The following COL5A2 variants were observed in gnomAD, a reference collection of about 807,000 sequenced individuals.
COL5A2 encodes collagen type V alpha 2 chain, also known as collagen alpha-2(V) chain.
COL5A2 carries 23 observed loss-of-function variants against 208.2 expected under a neutral mutation model. That is an observed-to-expected ratio of 0.11 (90% confidence interval 0.08 to 0.16). The LOEUF is 0.16. Ranked by LOEUF, COL5A2 falls within the 10% of genes least tolerant of loss-of-function variation. The pLI is 1.00. For missense variants in COL5A2, 1,590 were observed against 1,956.4 expected, an observed-to-expected ratio of 0.81 and a Z score of 3.53; for synonymous variants, 625 against 628.5, an observed-to-expected ratio of 0.99 and a Z score of 0.08.
At chr2:189,058,098 A>C (rs1327019325) in intron 33 of COL5A2, among the ~76,000 whole-genome samples, 1 of 152,184 alleles carries the variant, frequency 6.6e-6, no homozygotes, top group Non-Finnish European at 1.5e-5. Context: ...CCTCCTAATA[A>C]ATTATGTAAT....
chr2:189,221,123 G>A (rs898493310), intron 1 of COL5A2, among the ~76,000 whole-genome samples: 1 of 152,114 alleles, frequency 6.6e-6, no homozygotes, highest in Non-Finnish European at 1.5e-5. Flanking sequence ...ACATTTTCAC[G>A]ATTCACAGAG....
At chr2:189,383,773 AC>A in the COL5A2 span, among the ~76,000 whole-genome samples, 5 of 152,076 alleles carry the variant, frequency 3.3e-5, no homozygotes, top group Non-Finnish European at 7.4e-5. Context: ...TTCTAATTCC[AC>A]TTTCCTAGTT....
Position 189,033,850 on chromosome 2 carries a change from TA to T in COL5A2, c.*219del. 1.6e-6 allele frequency: 1 copy of T among 612,730 alleles called. No homozygotes were observed. The highest frequency in any genetic ancestry group is 2.0e-5 in the South Asian group (1 of 49,554). 38.0% of individuals were successfully genotyped at this position (612,730 alleles called of 1,614,324 possible). A position where few individuals can be genotyped will look rare whatever the true frequency, so the allele number is the denominator to read the frequency against. ...TGGTCATCTTAAACCTAAACTGTTG[TA>T]TTGAAAAATATTTAAAATCAATTAA... On this transcript the variant is annotated 3_prime_UTR_variant, in exon 54 of 54. Coordinates refer to ENST00000374866, the MANE Select transcript of COL5A2 (RefSeq NM_000393.5).
chr2:189,093,746 T>C (rs1241098526), intron 6 of COL5A2, among the ~76,000 whole-genome samples: 1 of 152,170 alleles, frequency 6.6e-6, no homozygotes, highest in Non-Finnish European at 1.5e-5. Context: ...CTACTAACAA[T>C]TTACTTCACA....
the COL5A2 span, among the ~76,000 whole-genome samples, chr2:189,333,161 GAATA>G: frequency 7.4e-4 from 113 of 151,870 alleles, 1 homozygote; most frequent in African/African-American, 2.7e-3. Context: ...GAAAAAGGAA[GAATA>G]AATTAGAACC....
At chr2:189,104,630 T>C (rs996324156) in intron 2 of COL5A2, among the ~76,000 whole-genome samples, 5 of 151,878 alleles carry the variant, frequency 3.3e-5, no homozygotes, top group African/African-American at 1.2e-4. Flanking sequence ...TGTTTATTCA[T>C]ATGGTTCAAA....
intron 1 of COL5A2, among the ~76,000 whole-genome samples, chr2:189,199,632 T>C (rs180671523): frequency 1.3e-5 from 2 of 152,328 alleles, no homozygotes; most frequent in East Asian, 3.9e-4. Context: ...ACAAAGTTGT[T>C]TCTTTAAGTC....
At chr2:189,124,452 G>A (rs1017152229) in intron 1 of COL5A2, among the ~76,000 whole-genome samples, 4 of 152,062 alleles carry the variant, frequency 2.6e-5, no homozygotes, top group African/African-American at 7.2e-5. Flanking sequence ...TTTATAGGGC[G>A]CAGGAAATGA....
chr2:189,370,531 T>C, the COL5A2 span, among the ~76,000 whole-genome samples: 1 of 151,912 alleles, frequency 6.6e-6, no homozygotes, highest in African/African-American at 2.4e-5. Flanking sequence ...TCACATTATC[T>C]AAAATAAAAC....
At position 189,079,986 on chromosome 2, in the gene COL5A2, C is replaced by T. The variant is rs1686495287; in HGVS notation, c.952G>A (p.Gly318Ser). Reference protein sequence around the residue: ...EGPKGEVGAPGSKGEAGPTGP... With the variant: ...EGPKGEVGAPSSKGEAGPTGP... The stretch of plus-strand genomic sequence containing the variant: ...GATAATTATAAGATTACCTTGGAAC[C>T]AGGTGCTCCAACTTCACCTTTAGGG... Residue 318 changes from glycine (G) to serine (S), a missense_variant, in exon 14 of 54, where the codon GGT becomes AGT. Gly to Ser is a moderately conservative substitution (Grantham distance 56, BLOSUM62 0). Transcript: ENST00000374866. 1 of 1,611,840 alleles carries T rather than the reference C, an allele frequency of 6.2e-7. No homozygotes were observed. The highest frequency in any genetic ancestry group is 8.5e-7 in the Non-Finnish European group (1 of 1,178,190).
chr2:189,391,967 A>G, the COL5A2 span, among the ~76,000 whole-genome samples: 1 of 152,152 alleles, frequency 6.6e-6, no homozygotes, highest in African/African-American at 2.4e-5. Context: ...ACTAGTCTAT[A>G]TAAGTTATTA....
chr2:189,192,051 C>G lies in COL5A2; in HGVS notation c.-42+33097G>C, dbSNP rs891842916. On this transcript the variant is annotated intron_variant, in intron 1 of 10. Coordinates refer to the COL5A2 transcript ENST00000649966. Reference sequence around the variant, plus strand: ...CTGCTTTTCACATAACAACCTCAACCTATCTTCCAAGTTCATCTCAAAATA... The same window carrying G: ...CTGCTTTTCACATAACAACCTCAACGTATCTTCCAAGTTCATCTCAAAATA... Among the ~76,000 whole-genome samples the G allele has an allele frequency of 3.3e-5, 5 of 152,262 alleles. No individual in the cohort carries two copies. The East Asian group carries it at 9.6e-4, about 29-fold the overall frequency.
chr2:189,353,402 T>C, the COL5A2 span, among the ~76,000 whole-genome samples: 3 of 152,230 alleles, frequency 2.0e-5, no homozygotes, highest in Non-Finnish European at 4.4e-5. Flanking sequence ...TTTCACAATA[T>C]TGATTCTTCC....
chr2:189,049,884 C>T lies in COL5A2; in HGVS notation c.3040-430G>A, dbSNP rs981848024. Among the ~76,000 whole-genome samples, 7 of 152,160 alleles carry T rather than the reference C, an allele frequency of 4.6e-5. No homozygotes were observed. The East Asian group carries it at 1.2e-3, about 25-fold the overall frequency. ...TCACTTCTGATAACAATAAGACATC[C>T]CTTAGCTCCTACTTTGTTGGTTTCA... On this transcript the variant is annotated intron_variant, in intron 43 of 53. Transcript: ENST00000374866.
At chr2:189,123,807 C>T (rs1041481846) in intron 1 of COL5A2, among the ~76,000 whole-genome samples, 2 of 152,150 alleles carry the variant, frequency 1.3e-5, no homozygotes, top group African/African-American at 4.8e-5. Flanking sequence ...ATAGTCCTAA[C>T]AACCATCCTG....
intron 1 of COL5A2, among the ~76,000 whole-genome samples, chr2:189,202,633 T>C (rs1292294596): frequency 1.3e-5 from 2 of 152,068 alleles, no homozygotes; most frequent in African/African-American, 4.8e-5. Context: ...GTGTGGAGGG[T>C]AAATTGACAT....
intron 1 of COL5A2, among the ~76,000 whole-genome samples, chr2:189,220,470 C>CA (rs35588877): frequency 5.2e-4 from 76 of 145,914 alleles, no homozygotes; most frequent in African/African-American, 1.8e-3. Flanking sequence ...GGTGTATTAA[C>CA]AAAAAAAAAA....
At chr2:189,259,942 G>A in the COL5A2 span, among the ~76,000 whole-genome samples, 1 of 152,104 alleles carries the variant, frequency 6.6e-6, no homozygotes, top group Non-Finnish European at 1.5e-5. Context: ...TACTACACAG[G>A]AGTCCACATA....
upstream of COL5A2, among the ~76,000 whole-genome samples, chr2:189,182,586 C>T (rs1335113768): frequency 6.6e-6 from 1 of 152,132 alleles, no homozygotes; most frequent in Admixed American, 6.5e-5. Context: ...CCAAAAATCA[C>T]CCTTCAGCTA....
Sources: gnomAD v4.1 joint callset for allele counts (sites outside exome capture counted in the v4.1 genomes callset) on GRCh38, gnomAD v4.1.1 for gene constraint, MANE v1.5 for transcripts, NCBI Gene and HGNC (gene_info 2026-07-23, HGNC 2026-07-21) for gene names.